The following EHD4 variants were observed in gnomAD, a reference collection of about 807,000 sequenced individuals.
EHD4 encodes EH domain containing 4.
A neutral mutation model predicts 51.0 loss-of-function variants in EHD4; 37 were observed. The ratio of observed to expected loss-of-function variants is 0.73; its 90% CI spans 0.56 to 0.95. The LOEUF (loss-of-function observed/expected upper bound fraction) is 0.95, where lower values mean the gene tolerates loss of function less well. Ranked by LOEUF, EHD4 falls within the 40% of genes least tolerant of loss-of-function variation. The pLI, the probability that EHD4 is intolerant of heterozygous loss-of-function variation, is 0.00. For synonymous variants in EHD4, 297 were observed against 317.3 expected (o/e 0.94, Z 0.68); for missense variants, 632 against 733.1 (o/e 0.86, Z 1.59).
chr15:41,917,922 G>A (rs1021487419), intron 4 of EHD4, among the ~76,000 whole-genome samples: 12 of 152,154 alleles, frequency 7.9e-5, no homozygotes, highest in African/African-American at 2.7e-4. Context: ...GCATGCACAC[G>A]CACTGGGACA....
chr15:41,925,853 T>C (rs1272128366), intron 3 of EHD4, among the ~76,000 whole-genome samples: 3 of 152,128 alleles, frequency 2.0e-5, no homozygotes, highest in African/African-American at 7.2e-5. Context: ...TCACAGCCCC[T>C]GTGGAAACTG....
chr15:41,929,183 G>A (rs545654578), intron 3 of EHD4, among the ~76,000 whole-genome samples: 2 of 152,320 alleles, frequency 1.3e-5, no homozygotes, highest in East Asian at 3.9e-4. Context: ...CTGTTTATCC[G>A]CTCTCTGCTC....
intron 1 of EHD4, among the ~76,000 whole-genome samples, chr15:41,959,523 T>C (rs1204282651): frequency 6.6e-6 from 1 of 152,122 alleles, no homozygotes; most frequent in Non-Finnish European, 1.5e-5. Flanking sequence ...TGCTATTGCC[T>C]GAAACATTTT....
intron 4 of EHD4, among the ~76,000 whole-genome samples, chr15:41,917,160 G>T (rs112833966): frequency 0.068 from 10,237 of 150,908 alleles, 403 homozygotes; most frequent in South Asian, 0.098. Flanking sequence ...TCACTCTGTC[G>T]CCTAGGCTGG....
At chr15:41,934,796 C>T (rs895756621) in intron 3 of EHD4, among the ~76,000 whole-genome samples, 14 of 152,146 alleles carry the variant, frequency 9.2e-5, no homozygotes, top group African/African-American at 2.2e-4. Context: ...AGCAATTGCA[C>T]GGCCGAAGGA....
chr15:41,904,279 T>C (rs1014550251), intron 5 of EHD4, among the ~76,000 whole-genome samples: 9 of 152,156 alleles, frequency 5.9e-5, no homozygotes, highest in Admixed American at 3.9e-4. Context: ...GCCGCATATT[T>C]GCAGGGGTGG....
chr15:41,969,832 G>C (rs375008746), intron 1 of EHD4, among the ~76,000 whole-genome samples: 1 of 152,152 alleles, frequency 6.6e-6, no homozygotes, highest in East Asian at 1.9e-4. Context: ...AGCAATAAGA[G>C]AAGATTCCCA....
At chr15:41,909,887 G>C (rs759599419) in intron 4 of EHD4, 24 bp from the exon 5 acceptor site, 11 of 1,613,174 alleles carry the variant, frequency 6.8e-6, no homozygotes, top group Non-Finnish European at 8.5e-6. Flanking sequence ...GATCAGGCAG[G>C]GAAGTGTCAT....
At chr15:41,905,970 C>A (rs1404853773) in intron 5 of EHD4, among the ~76,000 whole-genome samples, 1 of 152,236 alleles carries the variant, frequency 6.6e-6, no homozygotes, top group East Asian at 1.9e-4. Context: ...CTATGTCCAG[C>A]CTCATTTGTT....
At chr15:41,936,398 C>G (rs1648858) in intron 3 of EHD4, among the ~76,000 whole-genome samples, 10,166 of 152,118 alleles carry the variant, frequency 0.067, 498 homozygotes, top group African/African-American at 0.13. Context: ...TTGTGAGGAG[C>G]AAATGAGTTA....
intron 3 of EHD4, among the ~76,000 whole-genome samples, chr15:41,938,842 C>T (rs1355268227): frequency 6.6e-6 from 1 of 152,174 alleles, no homozygotes; most frequent in African/African-American, 2.4e-5. Flanking sequence ...CCAGTTGCTA[C>T]ATTATAATTT....
intron 4 of EHD4, among the ~76,000 whole-genome samples, chr15:41,917,434 A>G (rs2067592315): frequency 6.6e-6 from 1 of 152,186 alleles, no homozygotes; most frequent in Non-Finnish European, 1.5e-5. Context: ...ATTTATTTAT[A>G]TGACTGAATA....
intron 1 of EHD4, among the ~76,000 whole-genome samples, chr15:41,965,239 G>A (rs373183829): frequency 1.3e-5 from 2 of 152,202 alleles, no homozygotes; most frequent in South Asian, 4.1e-4. Flanking sequence ...AGATTATGAT[G>A]TAGTCATTGA....
intron 2 of EHD4, among the ~76,000 whole-genome samples, chr15:41,946,636 G>A (rs1269145766): frequency 6.6e-6 from 1 of 152,222 alleles, no homozygotes; most frequent in African/African-American, 2.4e-5. Flanking sequence ...TGAGGTGGGA[G>A]GATGGCTTGA....
chr15:41,944,310 G>A (rs151299734), intron 2 of EHD4, among the ~76,000 whole-genome samples: 16 of 152,206 alleles, frequency 1.1e-4, no homozygotes, highest in Non-Finnish European at 1.8e-4. Flanking sequence ...CCAGGGTCTG[G>A]GATGGACCTT....
chr15:41,928,412 G>A (rs2067676955), intron 3 of EHD4: 1 of 152,090 alleles, frequency 6.6e-6, no homozygotes, highest in Admixed American at 6.6e-5. Context: ...GTTTCTCAGG[G>A]GAGCCCGGAT....
intron 4 of EHD4, among the ~76,000 whole-genome samples, chr15:41,916,508 T>G (rs1485576706): frequency 1.3e-5 from 2 of 152,110 alleles, no homozygotes; most frequent in Non-Finnish European, 2.9e-5. Flanking sequence ...TTGGAACAGT[T>G]GGTGTGAAAA....
intron 1 of EHD4, among the ~76,000 whole-genome samples, chr15:41,969,692 G>A (rs2067984215): frequency 6.6e-6 from 1 of 152,188 alleles, no homozygotes; most frequent in African/African-American, 2.4e-5. Flanking sequence ...ACACAAGCCT[G>A]GGTGAGCTCC....
chr15:41,958,659 A>G (rs1016730482), intron 1 of EHD4, among the ~76,000 whole-genome samples: 1 of 152,202 alleles, frequency 6.6e-6, no homozygotes. Flanking sequence ...CTTAAGAATG[A>G]ATAAAAACCA....
Sources: allele counts gnomAD v4.1 joint callset (sites outside exome capture counted in the v4.1 genomes callset), GRCh38; gene constraint gnomAD v4.1.1; transcripts MANE v1.5; gene names NCBI Gene and HGNC (gene_info 2026-07-23, HGNC 2026-07-21).